RANBP2: variants seen among roughly 807,000 people sequenced by gnomAD.
RANBP2 encodes the protein RAN binding protein 2.
A neutral mutation model predicts 303.6 loss-of-function variants in RANBP2; 57 were observed. The ratio of observed to expected loss-of-function variants is 0.19; its 90% CI spans 0.15 to 0.23. The LOEUF is 0.23. Ranked by LOEUF, RANBP2 falls within the 10% of genes least tolerant of loss-of-function variation. RANBP2 has a pLI of 1.00. For missense variants in RANBP2, 3,138 were observed against 3,780.8 expected, an observed-to-expected ratio of 0.83 and a Z score of 4.46; for synonymous variants, 1,167 against 1,301.5, an observed-to-expected ratio of 0.90 and a Z score of 2.23.
At chr2:109,513,961 C>G in the RANBP2 span, among the ~76,000 whole-genome samples, 1 of 152,208 alleles carries the variant, frequency 6.6e-6, no homozygotes, top group Non-Finnish European at 1.5e-5. Context: ...GGAGCCCAGG[C>G]AGCCTCCTGG....
the RANBP2 span, chr2:108,930,120 C>G: frequency 6.2e-7 from 1 of 1,613,284 alleles, no homozygotes; most frequent in South Asian, 1.1e-5. Flanking sequence ...GGGTCCTTAC[C>G]AGGTAGGGCT....
At chr2:109,763,509 C>T in the RANBP2 span, among the ~76,000 whole-genome samples, 7 of 149,982 alleles carry the variant, frequency 4.7e-5, no homozygotes, top group Non-Finnish European at 5.9e-5. Flanking sequence ...AGGACAGCTC[C>T]GAAATTAATT....
At chr2:109,074,555 G>T in the RANBP2 span, among the ~76,000 whole-genome samples, 1 of 149,332 alleles carries the variant, frequency 6.7e-6, no homozygotes, top group Non-Finnish European at 1.5e-5. Context: ...ACAAAAATTA[G>T]CAGGGTGTGG....
At chr2:109,439,195 C>A in the RANBP2 span, among the ~76,000 whole-genome samples, 20 of 152,268 alleles carry the variant, frequency 1.3e-4, no homozygotes, top group Non-Finnish European at 2.4e-4. Flanking sequence ...CCTCCATCAC[C>A]ATAGTAACCA....
At chr2:109,656,364 G>A in the RANBP2 span, among the ~76,000 whole-genome samples, 34 of 152,276 alleles carry the variant, frequency 2.2e-4, no homozygotes, top group East Asian at 6.0e-3. Context: ...TTGAGACAAG[G>A]TCTTGCTTTG....
the RANBP2 span, among the ~76,000 whole-genome samples, chr2:109,104,037 G>A: frequency 3.3e-5 from 5 of 152,168 alleles, no homozygotes; most frequent in East Asian, 3.9e-4. Context: ...CTCATGATCC[G>A]CCCGCCTCGG....
chr2:108,868,865 C>T, the RANBP2 span, among the ~76,000 whole-genome samples: 1 of 151,984 alleles, frequency 6.6e-6, no homozygotes, highest in African/African-American at 2.4e-5. Context: ...CGTTGTCTTG[C>T]ACCTGAATTG....
intron 12 of RANBP2, among the ~76,000 whole-genome samples, chr2:108,752,227 ATAAT>A (rs1049262069): frequency 6.6e-6 from 1 of 151,944 alleles, no homozygotes; most frequent in Non-Finnish European, 1.5e-5. Context: ...TTATTCCTTA[ATAAT>A]TAAGTTCTGA....
the RANBP2 span, chr2:108,923,229 C>T: frequency 1.2e-6 from 1 of 839,722 alleles, no homozygotes. Context: ...CTGGACAGGC[C>T]ACAGGAGCAC....
the RANBP2 span, among the ~76,000 whole-genome samples, chr2:109,418,715 T>C: frequency 0.67 from 102,345 of 152,074 alleles, 36,031 homozygotes; most frequent in African/African-American, 0.9. Context: ...GGCTGGGACT[T>C]GGACAGATCT....
chr2:109,034,707 C>A, the RANBP2 span, among the ~76,000 whole-genome samples: 1 of 152,202 alleles, frequency 6.6e-6, no homozygotes, highest in African/African-American at 2.4e-5. Flanking sequence ...GTTTTAGGGC[C>A]TTCTGGGATG....
chr2:109,067,237 G>A, the RANBP2 span, among the ~76,000 whole-genome samples: 1 of 152,196 alleles, frequency 6.6e-6, no homozygotes, highest in Admixed American at 6.5e-5. Flanking sequence ...TTTCCTAGGG[G>A]AAGGCCACTG....
chr2:109,545,737 C>G, the RANBP2 span: 2 of 1,429,838 alleles, frequency 1.4e-6, no homozygotes, highest in South Asian at 1.6e-5. Flanking sequence ...AGGGCCACGG[C>G]TGGGCTATTC....
At chr2:109,669,994 C>A in the RANBP2 span, among the ~76,000 whole-genome samples, 1 of 152,062 alleles carries the variant, frequency 6.6e-6, no homozygotes, top group African/African-American at 2.4e-5. Context: ...TTTCTACCAC[C>A]CTGGCCATGC....
the RANBP2 span, chr2:108,912,786 T>A: frequency 6.4e-7 from 1 of 1,562,320 alleles, no homozygotes; most frequent in Non-Finnish European, 8.7e-7. Flanking sequence ...ATAGAGTCCC[T>A]CAAATGATCC....
chr2:108,908,068 G>A, the RANBP2 span: 5 of 1,547,876 alleles, frequency 3.2e-6, no homozygotes, highest in East Asian at 1.2e-4. Flanking sequence ...GGGGGCTGCA[G>A]CCCTGACAAG....
the RANBP2 span, chr2:108,896,662 A>G: frequency 3.7e-6 from 2 of 537,352 alleles, no homozygotes; most frequent in Non-Finnish European, 6.7e-6. Flanking sequence ...TGTATGAGTG[A>G]GTAGATATTT....
chr2:108,896,923 G>A, the RANBP2 span: 5 of 1,612,488 alleles, frequency 3.1e-6, no homozygotes, highest in Admixed American at 3.3e-5. Context: ...TGCAGCATGT[G>A]GCTGGGAGGC....
the RANBP2 span, among the ~76,000 whole-genome samples, chr2:109,391,556 G>A: frequency 6.6e-6 from 1 of 152,246 alleles, no homozygotes; most frequent in Non-Finnish European, 1.5e-5. Flanking sequence ...CTCCTCCAGG[G>A]TAGAAGCCTC....
Sources: gnomAD v4.1 joint callset for allele counts (sites outside exome capture counted in the v4.1 genomes callset) on GRCh38, gnomAD v4.1.1 for gene constraint, MANE v1.5 for transcripts, NCBI Gene and HGNC (gene_info 2026-07-23, HGNC 2026-07-21) for gene names.